The following EHD1 variants were observed in gnomAD, a reference collection of about 807,000 sequenced individuals.
EHD1 encodes EH domain-containing protein 1.
Under a neutral mutation model 39.0 loss-of-function variants are expected in EHD1, and 19 were observed. That is an observed-to-expected ratio of 0.49 (90% CI 0.34 to 0.72). The LOEUF is 0.72. Among genes scored for constraint, EHD1 ranks in the 30% least tolerant of loss-of-function variants. The pLI, the probability that EHD1 is intolerant of heterozygous loss-of-function variation, is 0.01. For synonymous variants in EHD1, 323 were observed against 331.2 expected (o/e 0.98, Z 0.27); for missense variants, 542 against 751.5 (o/e 0.72, Z 3.26).
Position 64,878,576 on chromosome 11 carries a change from C to G in EHD1, c.-112G>C. On this transcript the variant is annotated 5_prime_UTR_variant, in exon 1 of 5. Transcript: ENST00000320631. ...GGCAGGGAATCGGGAGCGACCCACA[C>G]TGCGCAGGCGCACAGCCCAGCCCGT... The G allele has an allele frequency of 6.9e-7, 1 of 1,449,800 alleles. No homozygotes were observed. Among genetic ancestry groups the G allele is most frequent in the Non-Finnish European group, 9.0e-7 (1 of 1,106,908 alleles). The allele number at this position is 1,449,800 out of a possible 1,614,324, so 89.8% of individuals were successfully genotyped here.
At chr11:64,873,739 C>T (rs1313367622) in intron 2 of EHD1, among the ~76,000 whole-genome samples, 3 of 151,532 alleles carry the variant, frequency 2.0e-5, no homozygotes, top group Non-Finnish European at 2.9e-5. Flanking sequence ...TGCAGTGGCG[C>T]GATCTCGGCT....
intron 3 of EHD1, among the ~76,000 whole-genome samples, chr11:64,857,505 C>A (rs1412972154): frequency 6.6e-6 from 1 of 152,132 alleles, no homozygotes; most frequent in Admixed American, 6.5e-5. Context: ...GGCATCTGAC[C>A]CACGCCCGTG....
upstream of EHD1, chr11:64,878,639 G>A: frequency 7.1e-7 from 1 of 1,407,284 alleles, no homozygotes; most frequent in Non-Finnish European, 9.2e-7. Context: ...ACCCCTCGCG[G>A]AGCGGCCTTT....
intron 3 of EHD1, chr11:64,859,689 T>C: frequency 1.7e-6 from 1 of 578,966 alleles, no homozygotes; most frequent in Non-Finnish European, 3.0e-6. Flanking sequence ...AGATGGGGTA[T>C]AAACCACAAA....
upstream of EHD1, chr11:64,879,000 G>C: frequency 4.0e-6 from 4 of 997,770 alleles, no homozygotes; most frequent in Non-Finnish European, 4.8e-6. Flanking sequence ...CAGGCACCCT[G>C]GTTCCCTGAC....
In EHD1 at chr11:64,855,427, C is replaced by G; in HGVS notation, c.975G>C (p.Glu325Asp). The change falls in exon 4 of 5, where the codon GAG becomes GAC. Residue 325 changes from glutamate (E) to aspartate (D), a missense_variant. Coordinates refer to ENST00000320631, the MANE Select transcript of EHD1 (RefSeq NM_006795.4). Reference protein sequence around the residue: ...KKEMPNVFGKESKKKELVNNL... With the variant: ...KKEMPNVFGKDSKKKELVNNL... Reference sequence around the variant, plus strand: ...TGTTCACCAGCTCTTTCTTTTTGCTCTCTTTACCAAAGACATTGGGCATCT... The same window carrying G: ...TGTTCACCAGCTCTTTCTTTTTGCTGTCTTTACCAAAGACATTGGGCATCT... The G allele has an allele frequency of 6.2e-7, 1 of 1,614,104 alleles. No individual in the cohort carries two copies. Among genetic ancestry groups the G allele is most frequent in the Non-Finnish European group, 8.5e-7 (1 of 1,180,002 alleles).
chr11:64,878,517 G>C lies in EHD1; in HGVS notation c.-53C>G. On this transcript the variant is annotated 5_prime_UTR_variant, in exon 1 of 5. Transcript: ENST00000320631. The stretch of plus-strand genomic sequence containing the variant: ...GGGGCAGAGCGGCGGCTGAGAGCGG[G>C]GCGAGGGTGCGGAGCCGAGGCGGGG... The C allele has an allele frequency of 2.6e-6, 4 of 1,535,898 alleles. No homozygotes were observed. Among genetic ancestry groups the C allele is most frequent in the Non-Finnish European group, 3.5e-6 (4 of 1,145,136 alleles).
intron 3 of EHD1, among the ~76,000 whole-genome samples, chr11:64,859,127 G>A (rs1943685843): frequency 6.6e-6 from 1 of 152,228 alleles, no homozygotes; most frequent in Non-Finnish European, 1.5e-5. Flanking sequence ...AATAACTGAT[G>A]TTTATTTTTT....
rs191701422 is a variant in EHD1, at chr11:64,865,134, A to C, written c.503-4798T>G. Among the ~76,000 whole-genome samples the C allele has an allele frequency of 4.3e-3, 662 of 152,328 alleles. 5 individuals carry two copies. The highest frequency in any genetic ancestry group is 7.2e-3 in the Non-Finnish European group (493 of 68,024). On this transcript the variant is annotated intron_variant, in intron 2 of 4. Transcript: ENST00000320631. ...CTTTTGCTGTGAGGGAAACACAGTG[A>C]CTGGCCAGCCACACCCACAGGTGAC...
chr11:64,863,867 G>A lies in EHD1; in HGVS notation c.503-3531C>T, dbSNP rs1201075544. Among the ~76,000 whole-genome samples the A allele has an allele frequency of 2.0e-5, 3 of 152,206 alleles. No individual in the cohort carries two copies. The East Asian group carries it at 5.8e-4, about 29-fold the overall frequency. On this transcript the variant is annotated intron_variant, in intron 2 of 4. Transcript: ENST00000320631. The stretch of plus-strand genomic sequence containing the variant: ...AAATTTAAATACCAATTCCTCAGCC[G>A]GGCTGCAGGGAGGAGGGCGTGTGGG...
chr11:64,869,868 A>C (rs1307099107), intron 2 of EHD1, among the ~76,000 whole-genome samples: 1 of 152,214 alleles, frequency 6.6e-6, no homozygotes. Flanking sequence ...AGGTGTCGGC[A>C]GGAAGTGGGG....
At chr11:64,873,972 C>T (rs1272768684) in intron 2 of EHD1, among the ~76,000 whole-genome samples, 3 of 151,186 alleles carry the variant, frequency 2.0e-5, no homozygotes, top group African/African-American at 4.9e-5. Flanking sequence ...CCACCGTGCC[C>T]GGCCACATTT....
At chr11:64,858,026 CT>C (rs11327531) in intron 3 of EHD1, among the ~76,000 whole-genome samples, 85,059 of 121,794 alleles carry the variant, frequency 0.7, 31,007 homozygotes, top group Non-Finnish European at 0.81. Context: ...CGGCAAGGGC[CT>C]TTTTTTTTTT....
chr11:64,874,490 CG>C lies in EHD1; in HGVS notation c.432del (p.Val145SerfsTer59). 2.5e-6 allele frequency: 4 copies of C among 1,610,084 alleles called. No individual in the cohort carries two copies. The highest frequency in any genetic ancestry group is 3.4e-6 in the Non-Finnish European group (4 of 1,178,578). ...TCGATGATGCTGATGCTGTCCAGGA[CG>C]GGGTTGGGCAGCTGGGCACACATGA... ...NRFMCAQLPNPVLDSISIIDT... is the reference protein window; with the variant it reads ...NRFMCAQLPNXVLDSISIIDT... On this transcript the variant is annotated frameshift_variant, in exon 2 of 5. Transcript: ENST00000320631. LOFTEE classifies it high-confidence loss of function.
intron 1 of EHD1, 23 bp downstream of exon 1, chr11:64,878,038 C>G: frequency 6.7e-7 from 1 of 1,494,576 alleles, no homozygotes; most frequent in Non-Finnish European, 8.9e-7. Context: ...CGCCCCCCGC[C>G]CCCTGGAGTG....
intron 3 of EHD1, among the ~76,000 whole-genome samples, chr11:64,858,879 G>T (rs953690611): frequency 6.6e-6 from 1 of 152,242 alleles, no homozygotes; most frequent in Non-Finnish European, 1.5e-5. Flanking sequence ...GGCCTGGGCT[G>T]CCAGGAGACC....
rs931591937 is a variant in EHD1 at position 64,858,100 on chromosome 11, C to T, written c.915+1824G>A. Among the ~76,000 whole-genome samples the T allele has an allele frequency of 2.7e-5, 4 of 150,186 alleles. No individual in the cohort carries two copies. The South Asian group carries it at 8.4e-4, about 31-fold the overall frequency. On this transcript the variant is annotated intron_variant, in intron 3 of 4. Transcript: ENST00000320631. Reference sequence around the variant, plus strand: ...GGTTGCTCAGGCTGGTCTCTAACTCCTGGCCTTAAGGGATCCTCCTGCTTT... The same window carrying T: ...GGTTGCTCAGGCTGGTCTCTAACTCTTGGCCTTAAGGGATCCTCCTGCTTT...
rs1943792517 is a variant in EHD1 at position 64,868,476 on chromosome 11, G to A, written c.502+5945C>T. 6.6e-6 allele frequency among the ~76,000 whole-genome samples: 1 copy of A among 152,172 alleles called. No homozygotes were observed. The highest frequency in any genetic ancestry group is 2.1e-4 in the South Asian group (1 of 4,826). On this transcript the variant is annotated intron_variant, in intron 2 of 4. Coordinates refer to ENST00000320631, the MANE Select transcript of EHD1 (RefSeq NM_006795.4). This position sits in a 1 kb window ranked among gnomAD's most constrained non-coding sequence, Gnocchi z 4.2. Reference sequence around the variant, plus strand: ...ACAACGGATGGTGCATCCCTATGATGGGACAAGGACCCCCAACAAAGAGGA... The same window carrying A: ...ACAACGGATGGTGCATCCCTATGATAGGACAAGGACCCCCAACAAAGAGGA...
At chr11:64,855,112 C>A (rs1185558767) in intron 4 of EHD1, 6 of 910,914 alleles carry the variant, frequency 6.6e-6, no homozygotes, top group Non-Finnish European at 9.7e-6. Flanking sequence ...GCCCTCCCCC[C>A]ACCACGCAGG....
Sources: allele counts gnomAD v4.1 joint callset (sites outside exome capture counted in the v4.1 genomes callset), GRCh38; gene constraint gnomAD v4.1.1; non-coding constraint Gnocchi (gnomAD v3.1); transcripts MANE v1.5; gene names NCBI Gene and HGNC (gene_info 2026-07-23, HGNC 2026-07-21).